The following IL1R1 variants were observed in gnomAD, a reference collection of about 807,000 sequenced individuals.
IL1R1 encodes the protein interleukin-1 receptor type 1.
IL1R1 carries 22 observed loss-of-function variants against 50.2 expected under a neutral mutation model. The observed-to-expected ratio is 0.44, with a 90% CI of 0.31 to 0.63. The LOEUF is 0.63. Among genes scored for constraint, IL1R1 ranks in the 20% least tolerant of loss-of-function variants. The pLI, the probability that IL1R1 is intolerant of heterozygous loss-of-function variation, is 0.07. For synonymous variants in IL1R1, 251 were observed against 236.7 expected (o/e 1.06, Z -0.55); for missense variants, 509 against 676.2 (o/e 0.75, Z 2.74).
intron 1 of IL1R1, among the ~76,000 whole-genome samples, chr2:102,084,079 G>A (rs1003219989): frequency 6.6e-6 from 1 of 152,086 alleles, no homozygotes; most frequent in Non-Finnish European, 1.5e-5. Flanking sequence ...AATCTCTTGC[G>A]ACTCTGAATC....
upstream of IL1R1, among the ~76,000 whole-genome samples, chr2:102,100,126 T>C (rs1680077313): frequency 6.6e-6 from 1 of 152,226 alleles, no homozygotes; most frequent in Admixed American, 6.5e-5. Context: ...CATCTGCACA[T>C]CGTCGGGTTC....
At chr2:102,170,597 A>T (rs1175533861) in intron 7 of IL1R1, among the ~76,000 whole-genome samples, 4 of 152,232 alleles carry the variant, frequency 2.6e-5, no homozygotes, top group African/African-American at 9.6e-5. Flanking sequence ...GTTTAGCAAT[A>T]ACCAGCTAGA....
chr2:102,108,587 T>C (rs1484233458), intron 1 of IL1R1, among the ~76,000 whole-genome samples: 2 of 152,006 alleles, frequency 1.3e-5, no homozygotes, highest in Non-Finnish European at 2.9e-5. Flanking sequence ...AGAAAAATAT[T>C]TACCCAGTTC....
At chr2:102,109,753 G>A (rs188520565) in intron 1 of IL1R1, among the ~76,000 whole-genome samples, 10 of 152,256 alleles carry the variant, frequency 6.6e-5, no homozygotes, top group East Asian at 3.9e-4. Flanking sequence ...CTCGATGGGC[G>A]TTTAAAATAT....
At chr2:102,073,780 A>C (rs1404970086) in intron 1 of IL1R1, among the ~76,000 whole-genome samples, 1 of 152,198 alleles carries the variant, frequency 6.6e-6, no homozygotes, top group African/African-American at 2.4e-5. Flanking sequence ...ATTTACGGTC[A>C]ACAAATCTCT....
At chr2:102,176,106 G>A in intron 11 of IL1R1, 2 of 473,028 alleles carry the variant, frequency 4.2e-6, no homozygotes, top group Non-Finnish European at 7.4e-6. Flanking sequence ...AGGGTCACTT[G>A]AGCCTAGGAG....
rs191771722 is a variant in IL1R1 at position 102,167,557 on chromosome 2, T to C, written c.656-1041T>C. Among the ~76,000 whole-genome samples, 564 of 151,038 alleles carry C rather than the reference T, an allele frequency of 3.7e-3. 2 individuals are homozygous for C. Among genetic ancestry groups the C allele is most frequent in the African/African-American group, 0.013 (543 of 41,150 alleles). ...CTGCCTCCCGGGTTCATGCCATTCT[T>C]CTGCCTCAGCCTCCCGAGTAGCTGG... On this transcript the variant is annotated intron_variant, in intron 6 of 11. Coordinates refer to ENST00000410023, the MANE Select transcript of IL1R1 (RefSeq NM_000877.4).
chr2:102,107,885 C>A (rs771800721), intron 1 of IL1R1, among the ~76,000 whole-genome samples: 2 of 152,054 alleles, frequency 1.3e-5, no homozygotes, highest in Non-Finnish European at 2.9e-5. Flanking sequence ...GCTGAGAGAG[C>A]GAGAGAACTG....
chr2:102,161,320 A>G (rs1456521567), intron 3 of IL1R1, among the ~76,000 whole-genome samples: 1 of 152,186 alleles, frequency 6.6e-6, no homozygotes, highest in Non-Finnish European at 1.5e-5. Flanking sequence ...GAATCCTTTT[A>G]AATTTACTGA....
intron 1 of IL1R1, among the ~76,000 whole-genome samples, chr2:102,091,786 A>G (rs1195815515): frequency 6.6e-6 from 1 of 152,124 alleles, no homozygotes; most frequent in Admixed American, 6.5e-5. Flanking sequence ...TTTTACCCAC[A>G]CAGCCTTCCC....
chr2:102,122,027 C>G (rs1168420968), intron 1 of IL1R1, among the ~76,000 whole-genome samples: 1 of 152,180 alleles, frequency 6.6e-6, no homozygotes, highest in Non-Finnish European at 1.5e-5. Context: ...TTGTTTCATA[C>G]ATTCAAAAAT....
intron 1 of IL1R1, among the ~76,000 whole-genome samples, chr2:102,147,267 C>T (rs527556526): frequency 6.6e-6 from 1 of 152,174 alleles, no homozygotes. Context: ...AAAATATTTA[C>T]CCCAATAAAA....
chr2:102,170,184 G>A (rs1449443062), intron 7 of IL1R1, among the ~76,000 whole-genome samples: 1 of 152,144 alleles, frequency 6.6e-6, no homozygotes, highest in Non-Finnish European at 1.5e-5. Flanking sequence ...TATCCTGAAG[G>A]GTGTTAAACA....
At chr2:102,126,002 C>CT (rs746558703) in intron 1 of IL1R1, among the ~76,000 whole-genome samples, 5 of 152,250 alleles carry the variant, frequency 3.3e-5, no homozygotes. Context: ...CAACCATTAC[C>CT]TTTTTTGAGG....
intron 1 of IL1R1, among the ~76,000 whole-genome samples, chr2:102,080,803 C>T (rs1171188987): frequency 2.0e-5 from 3 of 152,110 alleles, no homozygotes; most frequent in African/African-American, 7.2e-5. Flanking sequence ...AGAAACAACC[C>T]AAATGTCCAT....
chr2:102,132,983 A>G (rs1577920657), intron 1 of IL1R1, among the ~76,000 whole-genome samples: 1 of 150,316 alleles, frequency 6.7e-6, no homozygotes, highest in South Asian at 2.1e-4. Context: ...AGTGGCTCAC[A>G]CCTGTAATCC....
chr2:102,122,012 T>C (rs531758800), intron 1 of IL1R1, among the ~76,000 whole-genome samples: 76 of 152,158 alleles, frequency 5.0e-4, no homozygotes, highest in Non-Finnish European at 9.3e-4. Context: ...CTGGAAGATA[T>C]ACGTTTGTTT....
chr2:102,146,527 G>A (rs1683138925), intron 1 of IL1R1, among the ~76,000 whole-genome samples: 1 of 152,148 alleles, frequency 6.6e-6, no homozygotes, highest in Non-Finnish European at 1.5e-5. Context: ...GGCATGGGGT[G>A]GGAACAGGTG....
intron 1 of IL1R1, among the ~76,000 whole-genome samples, chr2:102,072,558 A>G (rs1156371557): frequency 3.3e-5 from 5 of 152,032 alleles, no homozygotes; most frequent in Non-Finnish European, 7.4e-5. Flanking sequence ...AATCTTGAAC[A>G]TGTTTTTCAC....
Sources: allele counts gnomAD v4.1 joint callset (sites outside exome capture counted in the v4.1 genomes callset), GRCh38; gene constraint gnomAD v4.1.1; transcripts MANE v1.5; gene names NCBI Gene and HGNC (gene_info 2026-07-23, HGNC 2026-07-21).